Variants in TRPC5 observed in about 807,000 individuals in gnomAD.
TRPC5 encodes the protein short transient receptor potential channel 5.
TRPC5 carries 9 observed loss-of-function variants against 56.5 expected under a neutral mutation model. That is an observed-to-expected ratio of 0.16 (90% CI 0.10 to 0.28). The LOEUF (loss-of-function observed/expected upper bound fraction) is 0.28. Ranked by LOEUF, TRPC5 falls within the 10% of genes least tolerant of loss-of-function variation. TRPC5 has a pLI of 1.00. For synonymous variants in TRPC5, 282 were observed against 278.5 expected, an observed-to-expected ratio of 1.01 and a Z score of -0.13; for missense variants, 469 against 748.9, an observed-to-expected ratio of 0.63 and a Z score of 4.36.
intron 7 of TRPC5, among the ~76,000 whole-genome samples, chrX:111,808,327 T>G (rs1254002607): frequency 9.0e-6 from 1 of 110,526 alleles, no homozygotes; most frequent in Non-Finnish European, 1.9e-5. Flanking sequence ...GGGGCTGAGC[T>G]GGCACCCAAG....
chrX:111,903,812 ATTTG>A (rs758480365), intron 3 of TRPC5: 32 of 111,975 alleles, frequency 2.9e-4, no homozygotes, highest in African/African-American at 8.4e-4. Context: ...TTTCATCCCT[ATTTG>A]TTTGGGTTAA....
chrX:111,986,388 A>C (rs1176129976), intron 1 of TRPC5, among the ~76,000 whole-genome samples: 2 of 106,802 alleles, frequency 1.9e-5, no homozygotes, highest in Admixed American at 1.0e-4. Context: ...GTCTGTTGAC[A>C]GAAAACTCAA....
At chrX:111,818,312 G>C (rs987715159) in intron 7 of TRPC5, among the ~76,000 whole-genome samples, 18 of 111,807 alleles carry the variant, frequency 1.6e-4, no homozygotes, top group Non-Finnish European at 3.0e-4. Flanking sequence ...CCAACTTAAA[G>C]TGTACTTCTC....
intron 3 of TRPC5, among the ~76,000 whole-genome samples, chrX:111,869,607 A>T (rs2148592790): frequency 8.9e-6 from 1 of 112,531 alleles, no homozygotes; most frequent in African/African-American, 3.2e-5. Flanking sequence ...TTTAAAGTAT[A>T]ATTTTCCATT....
Position 111,776,939 on chromosome X carries a change from G to A in TRPC5, c.2296C>T (p.His766Tyr). 1 of 1,183,592 alleles carries A rather than the reference G, an allele frequency of 8.4e-7. No individual in the cohort carries two copies. The highest frequency in any genetic ancestry group is 1.1e-6 in the Non-Finnish European group (1 of 881,459). Reference protein sequence around the residue: ...EVLDLLGNRKHPRSFSTSSTE... With the variant: ...EVLDLLGNRKYPRSFSTSSTE... Reference sequence around the variant, plus strand: ...CTGCTAGTGGAAAAGCTCCTTGGATGTTTTCTATTTCCCAAGAGGTCAAGC... The same window carrying A: ...CTGCTAGTGGAAAAGCTCCTTGGATATTTTCTATTTCCCAAGAGGTCAAGC... The change falls in exon 11 of 11, where the codon CAT (histidine) becomes TAT (tyrosine). Residue 766 changes from histidine to tyrosine, a missense_variant. Physicochemically the swap from His to Tyr is moderately conservative, Grantham distance 83. This residue lies in a region of TRPC5 where 194 missense variants were observed against 221.8 expected (regional missense o/e 0.87). Coordinates refer to ENST00000262839, the MANE Select transcript of TRPC5 (RefSeq NM_012471.3).
chrX:111,780,539 C>T (rs920918186), intron 9 of TRPC5, among the ~76,000 whole-genome samples: 6 of 110,810 alleles, frequency 5.4e-5, no homozygotes, highest in Non-Finnish European at 1.1e-4. Flanking sequence ...CAGGACCCCC[C>T]GCCCCATGTA....
At position 111,779,107 on chromosome X, in the gene TRPC5, C is replaced by T. The variant is rs374851713; in HGVS notation, c.2143-33G>A. The T allele has an allele frequency of 6.7e-6, 7 of 1,049,492 alleles. No homozygotes were observed. The African/African-American group carries it at 1.3e-4, about 19-fold the overall frequency. The allele number at this position is 1,049,492 out of a possible 1,213,427, so 86.5% of individuals were successfully genotyped here. ...TACAAAACATGAAGAAGCATTCAGT[C>T]TCCTTCTCAGGCTCTCAGTACAGTA... On this transcript the variant is annotated intron_variant, in intron 9 of 10. Transcript: ENST00000262839.
chrX:112,035,962 T>C (rs1160081496), intron 1 of TRPC5, among the ~76,000 whole-genome samples: 1 of 109,770 alleles, frequency 9.1e-6, no homozygotes, highest in Non-Finnish European at 1.9e-5. Flanking sequence ...CACACACATA[T>C]ATATATATGT....
At chrX:111,992,840 T>G (rs1359794281) in intron 1 of TRPC5, among the ~76,000 whole-genome samples, 2 of 110,226 alleles carry the variant, frequency 1.8e-5, no homozygotes, top group Admixed American at 1.9e-4. Flanking sequence ...TGACCTCAAG[T>G]GATTCATCAC....
chrX:111,939,576 C>T (rs751882605), intron 2 of TRPC5, among the ~76,000 whole-genome samples: 2 of 111,497 alleles, frequency 1.8e-5, no homozygotes, highest in African/African-American at 6.5e-5. Flanking sequence ...GTTCTCATTA[C>T]TTGTTATTGG....
chrX:111,833,493 C>G (rs1038270915), intron 7 of TRPC5, among the ~76,000 whole-genome samples: 4 of 110,981 alleles, frequency 3.6e-5, no homozygotes, highest in African/African-American at 1.3e-4. Flanking sequence ...CTAAACTATC[C>G]TAGCAGACAA....
chrX:111,916,573 C>T, intron 2 of TRPC5, among the ~76,000 whole-genome samples: 1 of 111,622 alleles, frequency 9.0e-6, no homozygotes, highest in Non-Finnish European at 1.9e-5. Flanking sequence ...AAATGCAGGC[C>T]AAACAGGTAA....
intron 3 of TRPC5, among the ~76,000 whole-genome samples, chrX:111,897,454 C>T (rs1171705061): frequency 3.6e-5 from 4 of 111,070 alleles, no homozygotes; most frequent in South Asian, 3.8e-4. Flanking sequence ...TTTTGACACA[C>T]GCATTCTCCT....
At chrX:111,916,482 G>C (rs976591239) in intron 2 of TRPC5, among the ~76,000 whole-genome samples, 2 of 111,800 alleles carry the variant, frequency 1.8e-5, no homozygotes, top group African/African-American at 6.5e-5. Context: ...CAGAGACCAC[G>C]GACTATCATC....
At chrX:111,950,489 T>C (rs1481687228) in intron 2 of TRPC5, among the ~76,000 whole-genome samples, 1 of 111,270 alleles carries the variant, frequency 9.0e-6, no homozygotes, top group Non-Finnish European at 1.9e-5. Context: ...AATGACACAA[T>C]GGACTCTGGG....
chrX:111,906,129 C>T (rs1353292640), intron 3 of TRPC5, among the ~76,000 whole-genome samples: 20 of 109,812 alleles, frequency 1.8e-4, no homozygotes, highest in Non-Finnish European at 3.0e-4. Flanking sequence ...CCAAGACAGG[C>T]GGATTGCCTA....
chrX:112,021,668 G>T (rs750533234), intron 1 of TRPC5, among the ~76,000 whole-genome samples: 20 of 112,226 alleles, frequency 1.8e-4, no homozygotes, highest in South Asian at 1.1e-3. Flanking sequence ...GGAATCTAAA[G>T]GAAATAATAG....
chrX:112,070,072 G>T (rs776231886), intron 1 of TRPC5, among the ~76,000 whole-genome samples: 3 of 111,944 alleles, frequency 2.7e-5, no homozygotes, highest in Non-Finnish European at 5.6e-5. Flanking sequence ...GGGAGGCTGT[G>T]CCATTGTGCA....
intron 1 of TRPC5, among the ~76,000 whole-genome samples, chrX:112,001,490 G>A (rs781403092): frequency 1.8e-5 from 2 of 112,106 alleles, no homozygotes; most frequent in East Asian, 5.6e-4. Flanking sequence ...CAAGGTGCAG[G>A]GACTCACACC....
Sources: allele counts gnomAD v4.1 joint callset (sites outside exome capture counted in the v4.1 genomes callset), GRCh38; gene constraint gnomAD v4.1.1; regional missense constraint gnomAD v4.1.1; transcripts MANE v1.5; gene names NCBI Gene and HGNC (gene_info 2026-07-23, HGNC 2026-07-21).